Variants in USP7 observed in about 807,000 individuals in gnomAD.
USP7 encodes ubiquitin specific peptidase 7, also known as ubiquitin C-terminal hydrolase 7.
Under a neutral mutation model 162.9 loss-of-function variants are expected in USP7, and 9 were observed. The observed-to-expected ratio is 0.06, with a 90% CI of 0.03 to 0.10. The LOEUF (loss-of-function observed/expected upper bound fraction) is 0.10, where lower values mean the gene tolerates loss of function less well. Ranked by LOEUF, USP7 falls within the 10% of genes least tolerant of loss-of-function variation. USP7 has a pLI of 1.00. For synonymous variants in USP7, 562 were observed against 475.9 expected, an observed-to-expected ratio of 1.18 and a Z score of -2.35; for missense variants, 715 against 1,373.7, an observed-to-expected ratio of 0.52 and a Z score of 7.58.
At chr16:8,940,743 G>A (rs530076294) in intron 1 of USP7, among the ~76,000 whole-genome samples, 31 of 152,168 alleles carry the variant, frequency 2.0e-4, no homozygotes, top group South Asian at 4.1e-4. Flanking sequence ...TCCCCTCTGC[G>A]AGGCCTCTCC....
chr16:8,920,250 A>C (rs1174478078), intron 5 of USP7, 109 bp downstream of exon 5: 8 of 927,198 alleles, frequency 8.6e-6, no homozygotes, highest in Non-Finnish European at 1.3e-5. Flanking sequence ...AAGCGCAGAG[A>C]GGAGGCTTAC....
intron 26 of USP7, among the ~76,000 whole-genome samples, chr16:8,896,796 C>A (rs1021977945): frequency 3.3e-5 from 5 of 152,174 alleles, no homozygotes; most frequent in African/African-American, 1.2e-4. Context: ...GAGGGTTACC[C>A]CTGAGACTTG....
intron 1 of USP7, among the ~76,000 whole-genome samples, chr16:8,958,706 G>A (rs764029067): frequency 2.0e-5 from 3 of 152,186 alleles, no homozygotes; most frequent in Non-Finnish European, 2.9e-5. Context: ...CACACTCATC[G>A]CAGGGAGCTC....
intron 10 of USP7, among the ~76,000 whole-genome samples, chr16:8,914,389 G>C (rs975227001): frequency 6.6e-6 from 1 of 150,978 alleles, no homozygotes; most frequent in Admixed American, 6.6e-5. Context: ...CTGGACATAC[G>C]CACACCCTAC....
chr16:8,901,409 C>T (rs2061772445), intron 18 of USP7, among the ~76,000 whole-genome samples, 175 bp from the exon 19 acceptor site: 1 of 152,018 alleles, frequency 6.6e-6, no homozygotes, highest in South Asian at 2.1e-4. Flanking sequence ...GTGGCTTATT[C>T]ACGAAGCTGA....
chr16:8,944,226 G>C (rs539301013), intron 1 of USP7, among the ~76,000 whole-genome samples: 3 of 100,544 alleles, frequency 3.0e-5, no homozygotes, highest in African/African-American at 9.6e-5. Context: ...CAGAGCAACA[G>C]AGGTGCAAAA....
At chr16:8,940,028 G>C (rs770155611) in intron 1 of USP7, among the ~76,000 whole-genome samples, 1 of 152,054 alleles carries the variant, frequency 6.6e-6, no homozygotes, top group Non-Finnish European at 1.5e-5. Flanking sequence ...AACCAGGGAG[G>C]CGAAGGTTGT....
chr16:8,919,221 G>T (rs1897541926), intron 5 of USP7, 82 bp from the exon 6 acceptor site: 2 of 1,443,186 alleles, frequency 1.4e-6, no homozygotes, highest in African/African-American at 1.4e-5. Flanking sequence ...CTGACTCAAG[G>T]TCAGCCTTAA....
intron 2 of USP7, chr16:8,929,436 G>C (rs1433572909): frequency 2.2e-6 from 1 of 455,370 alleles, no homozygotes; most frequent in Non-Finnish European, 4.4e-6. Flanking sequence ...CTCAACTACG[G>C]CTGCAGTTTC....
At chr16:8,920,112 A>G (rs1004806825) in intron 5 of USP7, among the ~76,000 whole-genome samples, 2 of 152,168 alleles carry the variant, frequency 1.3e-5, no homozygotes, top group Non-Finnish European at 2.9e-5. Context: ...ATTCTTTAGG[A>G]ACAGAAAACC....
intron 13 of USP7, among the ~76,000 whole-genome samples, chr16:8,905,682 C>A (rs1689753598): frequency 6.6e-6 from 1 of 152,234 alleles, no homozygotes; most frequent in Admixed American, 6.5e-5. Context: ...AAAGGCCATA[C>A]TGAGCACACC....
chr16:8,926,933 C>T (rs1314395186), intron 2 of USP7, among the ~76,000 whole-genome samples: 4 of 152,208 alleles, frequency 2.6e-5, no homozygotes, highest in African/African-American at 4.8e-5. Context: ...CAATTACCTA[C>T]AGCACGAAGT....
At chr16:8,919,216 T>A (rs1897541663) in intron 5 of USP7, 77 bp from the exon 6 acceptor site, 1 of 1,464,582 alleles carries the variant, frequency 6.8e-7, no homozygotes, top group East Asian at 2.3e-5. Flanking sequence ...GCAATCTGAC[T>A]CAAGGTCAGC....
chr16:8,901,551 T>A (rs1406234026), intron 18 of USP7, among the ~76,000 whole-genome samples: 1 of 152,200 alleles, frequency 6.6e-6, no homozygotes, highest in Non-Finnish European at 1.5e-5. Flanking sequence ...TGGAAGAGCG[T>A]TGCCACGGGA....
intron 1 of USP7, chr16:8,962,543 G>C (rs1900055911): frequency 2.3e-6 from 1 of 438,544 alleles, no homozygotes; most frequent in South Asian, 1.6e-5. Flanking sequence ...GGTTGCAAGC[G>C]CACACCTGGC....
intron 2 of USP7, 85 bp from the exon 3 acceptor site, chr16:8,923,498 A>G (rs1207101055): frequency 1.2e-4 from 173 of 1,401,280 alleles, no homozygotes; most frequent in Non-Finnish European, 1.6e-4. Context: ...AAACTGTTCT[A>G]TACATCCTGA....
intron 15 of USP7, 85 bp from the exon 16 acceptor site, chr16:8,903,487 C>G (rs1455667089): frequency 7.0e-7 from 1 of 1,422,812 alleles, no homozygotes; most frequent in African/African-American, 1.4e-5. Flanking sequence ...CACTAAAACG[C>G]TGAAAACTCA....
At chr16:8,934,631 G>C (rs1280765342) in intron 1 of USP7, among the ~76,000 whole-genome samples, 1 of 152,238 alleles carries the variant, frequency 6.6e-6, no homozygotes, top group Non-Finnish European at 1.5e-5. Flanking sequence ...GTCTGCGGTT[G>C]CAGCAGAATC....
At chr16:8,936,458 T>A in intron 1 of USP7, 1 of 985,360 alleles carries the variant, frequency 1.0e-6, no homozygotes, top group Non-Finnish European at 1.4e-6. Context: ...TTATATAAAT[T>A]TTACTGATAC....
Sources: gnomAD v4.1 joint callset for allele counts (sites outside exome capture counted in the v4.1 genomes callset) on GRCh38, gnomAD v4.1.1 for gene constraint, MANE v1.5 for transcripts, NCBI Gene and HGNC (gene_info 2026-07-23, HGNC 2026-07-21) for gene names.